Variants in ETV5 observed in about 807,000 individuals in gnomAD.
The protein encoded by ETV5 is ETS variant transcription factor 5.
In ETV5, 10 loss-of-function variants were observed where a neutral mutation model predicts 70.0. The ratio of observed to expected loss-of-function variants is 0.14; its 90% CI spans 0.09 to 0.24. The LOEUF (loss-of-function observed/expected upper bound fraction) is 0.24, where lower values mean the gene tolerates loss of function less well. ETV5 is among the 10% of genes least tolerant of loss of function. ETV5 has a pLI of 1.00. For synonymous variants in ETV5, 216 were observed against 242.2 expected, an observed-to-expected ratio of 0.89 and a Z score of 1.01; for missense variants, 453 against 651.2, an observed-to-expected ratio of 0.70 and a Z score of 3.31.
In ETV5 at chr3:186,105,984, A is replaced by T; in HGVS notation, c.-74-42T>A. The stretch of plus-strand genomic sequence containing the variant: ...GGAGATTTTAACTAAGAGGGGGGAA[A>T]AAAAGAAATGAAACAATTTTAGACT... On this transcript the variant is annotated intron_variant, in intron 1 of 12. Transcript: ENST00000306376. The surrounding 1 kb of genome is among the most constrained non-coding windows in gnomAD (Gnocchi z 4.5). 7.1e-7 allele frequency: 1 copy of T among 1,402,222 alleles called. No homozygotes were observed. Among genetic ancestry groups the T allele is most frequent in the Non-Finnish European group, 9.8e-7 (1 of 1,016,136 alleles). 86.9% of individuals were successfully genotyped at this position (1,402,222 alleles called of 1,614,324 possible).
At chr3:186,053,426 G>T (rs1713082215) in intron 11 of ETV5, among the ~76,000 whole-genome samples, 1 of 151,398 alleles carries the variant, frequency 6.6e-6, no homozygotes. Context: ...AAAGCCAAAT[G>T]TTAAACATGG....
intron 5 of ETV5, among the ~76,000 whole-genome samples, chr3:186,081,790 G>A (rs941800063): frequency 6.6e-6 from 1 of 152,200 alleles, no homozygotes; most frequent in Non-Finnish European, 1.5e-5. Flanking sequence ...ACCTAGGAAA[G>A]GCTAATGAAT....
intron 5 of ETV5, among the ~76,000 whole-genome samples, chr3:186,098,888 AGT>A (rs1714379938): frequency 6.6e-6 from 1 of 152,142 alleles, no homozygotes; most frequent in Admixed American, 6.5e-5. Context: ...CAGCGAACTC[AGT>A]GCCACTGGAA....
rs148553662 is a variant in ETV5, at chr3:186,056,380, C to A, written c.1209+695G>T. On this transcript the variant is annotated intron_variant, in intron 11 of 12. Transcript: ENST00000306376. Reference sequence around the variant, plus strand: ...AAGTATTTGGGACTATAGACACACACCACCATGCCTAGCTAATTTTTTATT... The same window carrying A: ...AAGTATTTGGGACTATAGACACACAACACCATGCCTAGCTAATTTTTTATT... 3.3e-3 allele frequency among the ~76,000 whole-genome samples: 505 copies of A among 152,208 alleles called. 4 individuals are homozygous for A. The highest frequency in any genetic ancestry group is 0.011 in the African/African-American group (477 of 41,522).
At chr3:186,100,728 G>A (rs1417670322) in intron 5 of ETV5, among the ~76,000 whole-genome samples, 1 of 152,178 alleles carries the variant, frequency 6.6e-6, no homozygotes, top group Non-Finnish European at 1.5e-5. Flanking sequence ...AGGGGAAAAT[G>A]GGGTCATTTG....
chr3:186,087,861 C>A (rs943563001), intron 5 of ETV5, among the ~76,000 whole-genome samples: 2 of 150,996 alleles, frequency 1.3e-5, no homozygotes, highest in Admixed American at 1.3e-4. Flanking sequence ...TTAAGAAAGA[C>A]GAAACCCATC....
chr3:186,077,713 G>A (rs1055364509), intron 7 of ETV5, among the ~76,000 whole-genome samples: 2 of 152,114 alleles, frequency 1.3e-5, no homozygotes, highest in Non-Finnish European at 2.9e-5. Context: ...GAAAATCCCC[G>A]CTCCACACTC....
chr3:186,059,808 G>A (rs962486821), intron 9 of ETV5, among the ~76,000 whole-genome samples: 2 of 152,084 alleles, frequency 1.3e-5, no homozygotes, highest in African/African-American at 4.8e-5. Flanking sequence ...GTGTCCTCAT[G>A]GCACCTTACA....
Position 186,048,627 on chromosome 3 carries a change from C to T in ETV5, c.*12G>A, listed in dbSNP as rs150591038. The stretch of plus-strand genomic sequence containing the variant: ...CTAGCTCTAGGGTTTGGCCACTCCG[C>T]CACTCAGAAACTTAGTAAGCAAAGC... On this transcript the variant is annotated 3_prime_UTR_variant, in exon 13 of 13. Transcript: ENST00000306376. 1.1e-4 allele frequency: 180 copies of T among 1,613,332 alleles called. 1 individual carries two copies. The African/African-American group carries it at 2.1e-3, about 18-fold the overall frequency.
At chr3:186,083,812 C>G (rs1237584819) in intron 5 of ETV5, among the ~76,000 whole-genome samples, 1 of 152,154 alleles carries the variant, frequency 6.6e-6, no homozygotes, top group Non-Finnish European at 1.5e-5. Flanking sequence ...CATATACTTT[C>G]CCCGCAGGAC....
chr3:186,048,482 CT>C lies in ETV5; in HGVS notation c.*156del. 2 of 672,718 alleles carry C rather than the reference CT, an allele frequency of 3.0e-6. No homozygotes were observed. Among genetic ancestry groups the C allele is most frequent in the Non-Finnish European group, 5.1e-6 (2 of 391,428 alleles). 41.7% of individuals were successfully genotyped at this position (672,718 alleles called of 1,614,324 possible). ...CCCACTCCCCAGCCAATGTATCTGT[CT>C]TTAAGGGTGCCAATCCAGAGACAGC... is the stretch of plus-strand genomic sequence containing the variant. On this transcript the variant is annotated 3_prime_UTR_variant, in exon 13 of 13. Transcript: ENST00000306376.
chr3:186,096,355 CT>C (rs1714303318), intron 5 of ETV5, among the ~76,000 whole-genome samples: 1 of 152,176 alleles, frequency 6.6e-6, no homozygotes, highest in African/African-American at 2.4e-5. Context: ...TCTATTCTAC[CT>C]TTTCTATGGG....
At chr3:186,048,964 C>T in intron 12 of ETV5, 104 bp from the exon 13 acceptor site, 1 of 878,416 alleles carries the variant, frequency 1.1e-6, no homozygotes, top group Non-Finnish European at 1.8e-6. Flanking sequence ...ACCAAAGGAG[C>T]AGCCGATTAC....
At chr3:186,079,696 C>T in intron 7 of ETV5, 121 bp downstream of exon 7, 2 of 1,030,890 alleles carry the variant, frequency 1.9e-6, no homozygotes, top group Non-Finnish European at 2.8e-6. Context: ...TCACAAGCTG[C>T]CTCAATGTAA....
chr3:186,083,145 C>A (rs1019728277), intron 5 of ETV5, among the ~76,000 whole-genome samples: 3 of 152,206 alleles, frequency 2.0e-5, no homozygotes, highest in Admixed American at 1.3e-4. Context: ...ACACAGAAAT[C>A]CCTTCCTCCA....
At chr3:186,063,423 C>T (rs996590941) in intron 9 of ETV5, among the ~76,000 whole-genome samples, 3 of 152,208 alleles carry the variant, frequency 2.0e-5, no homozygotes, top group African/African-American at 7.2e-5. Context: ...ATTAGTAGGT[C>T]AGCACTAATG....
At chr3:186,086,955 A>G (rs1714073575) in intron 5 of ETV5, among the ~76,000 whole-genome samples, 1 of 152,176 alleles carries the variant, frequency 6.6e-6, no homozygotes, top group African/African-American at 2.4e-5. Flanking sequence ...TGGGCAACAG[A>G]GTGAGACCCT....
intron 5 of ETV5, among the ~76,000 whole-genome samples, chr3:186,092,762 GA>G (rs1485053291): frequency 6.6e-6 from 1 of 152,058 alleles, no homozygotes; most frequent in Non-Finnish European, 1.5e-5. Flanking sequence ...ATAGATGACG[GA>G]ACTGGTACCG....
intron 5 of ETV5, among the ~76,000 whole-genome samples, chr3:186,098,017 A>T (rs1446215834): frequency 6.6e-6 from 1 of 152,230 alleles, no homozygotes; most frequent in Non-Finnish European, 1.5e-5. Context: ...CTCAGCGCCC[A>T]GCTGTCGCCG....
Sources: gnomAD v4.1 joint callset for allele counts (sites outside exome capture counted in the v4.1 genomes callset) on GRCh38, gnomAD v4.1.1 for gene constraint, Gnocchi (gnomAD v3.1) non-coding constraint, MANE v1.5 for transcripts, NCBI Gene and HGNC (gene_info 2026-07-23, HGNC 2026-07-21) for gene names.